Variants in KCTD1 observed in about 807,000 individuals in gnomAD.
KCTD1 encodes the protein BTB/POZ domain-containing protein KCTD1.
A neutral mutation model predicts 66.0 loss-of-function variants in KCTD1; 24 were observed. That is an observed-to-expected ratio of 0.36 (90% CI 0.26 to 0.51). The LOEUF is 0.51. KCTD1 is among the 20% of genes least tolerant of loss of function. The probability of loss-of-function intolerance (pLI) is 0.95; values close to 1 mark genes in which losing one functional copy is unlikely to be tolerated. For missense variants in KCTD1, 943 were observed against 1,205.2 expected (o/e 0.78, Z 3.22); for synonymous variants, 511 against 517.2 (o/e 0.99, Z 0.16).
chr18:26,556,133 C>A (rs1210282285), intron 1 of KCTD1, among the ~76,000 whole-genome samples: 1 of 152,154 alleles, frequency 6.6e-6, no homozygotes, highest in African/African-American at 2.4e-5. Flanking sequence ...CTGATAGGGG[C>A]ACATGGGTTT....
intron 1 of KCTD1, among the ~76,000 whole-genome samples, chr18:26,647,493 C>G (rs1288590417): frequency 8.0e-6 from 1 of 124,836 alleles, no homozygotes; most frequent in African/African-American, 3.0e-5. Flanking sequence ...ACACTCCAGT[C>G]TGGGAAACAG....
intron 1 of KCTD1, among the ~76,000 whole-genome samples, chr18:26,618,308 T>C (rs770739865): frequency 9.2e-5 from 14 of 152,178 alleles, no homozygotes; most frequent in African/African-American, 3.4e-4. Flanking sequence ...AAGAAGTTAA[T>C]TGAATGGATT....
intron 1 of KCTD1, among the ~76,000 whole-genome samples, chr18:26,647,280 G>A (rs989609773): frequency 5.3e-5 from 8 of 151,744 alleles, no homozygotes; most frequent in Non-Finnish European, 1.2e-4. Context: ...AGGCTGAGGC[G>A]GGTGGATCAC....
intron 1 of KCTD1, among the ~76,000 whole-genome samples, chr18:26,584,694 G>A (rs2144930488): frequency 6.6e-6 from 1 of 152,280 alleles, no homozygotes; most frequent in East Asian, 1.9e-4. Context: ...GGTATTCACA[G>A]GGTGTTTTTT....
chr18:26,563,345 A>G (rs996471300), intron 1 of KCTD1, among the ~76,000 whole-genome samples: 24 of 152,028 alleles, frequency 1.6e-4, no homozygotes, highest in Non-Finnish European at 2.4e-4. Context: ...CCAAACTATA[A>G]CGTACTCCCT....
At chr18:26,573,503 G>A (rs1337640486) in intron 1 of KCTD1, among the ~76,000 whole-genome samples, 8 of 152,160 alleles carry the variant, frequency 5.3e-5, no homozygotes, top group African/African-American at 1.4e-4. Flanking sequence ...GAATTAATAC[G>A]AACAATAAAA....
chr18:26,502,334 C>A (rs1273383839), intron 1 of KCTD1, among the ~76,000 whole-genome samples: 2 of 152,192 alleles, frequency 1.3e-5, no homozygotes, highest in African/African-American at 2.4e-5. Flanking sequence ...CAGGGGTGAG[C>A]CACCGTGCCC....
intron 1 of KCTD1, among the ~76,000 whole-genome samples, chr18:26,508,680 C>A (rs1983172989): frequency 6.6e-6 from 1 of 151,642 alleles, no homozygotes; most frequent in South Asian, 2.1e-4. Flanking sequence ...ATAACTTTTC[C>A]ACAAATTTCA....
intron 1 of KCTD1, chr18:26,600,385 C>A: frequency 9.8e-7 from 1 of 1,017,242 alleles, no homozygotes; most frequent in Non-Finnish European, 1.5e-6. Flanking sequence ...CAGCCAACTC[C>A]TGTCCCTCAA....
chr18:26,655,245 C>T (rs571643815), intron 1 of KCTD1, among the ~76,000 whole-genome samples: 9 of 152,312 alleles, frequency 5.9e-5, no homozygotes, highest in African/African-American at 1.9e-4. Context: ...CTTAAGGAGT[C>T]TACTGCTGAG....
At chr18:26,593,944 A>AG (rs915949157) in intron 1 of KCTD1, among the ~76,000 whole-genome samples, 4 of 151,696 alleles carry the variant, frequency 2.6e-5, no homozygotes, top group South Asian at 2.1e-4. Context: ...AAAGAAGAGA[A>AG]GGGGGGGAGA....
chr18:26,647,519 C>CAAA lies in KCTD1; in HGVS notation c.9+9838_9+9840dup, dbSNP rs57856118. 6.8e-4 allele frequency among the ~76,000 whole-genome samples: 39 copies of CAAA among 57,318 alleles called. 3 individuals carry two copies. The highest frequency in any genetic ancestry group is 1.8e-3 in the African/African-American group (32 of 17,384). 37.6% of individuals were successfully genotyped at this position (57,318 alleles called of 152,430 possible). On this transcript the variant is annotated intron_variant, in intron 1 of 4. Transcript: ENST00000580191. ...TGGGAAACAGAGTGAGACTCCATCT[C>CAAA]AAAAAAAAAAAAAAAAAAAAAAAAA...
intron 1 of KCTD1, among the ~76,000 whole-genome samples, chr18:26,570,706 G>T (rs187166784): frequency 6.6e-6 from 1 of 152,014 alleles, no homozygotes; most frequent in African/African-American, 2.4e-5. Flanking sequence ...CCACCACACC[G>T]GGCCTCTATT....
At chr18:26,482,872 C>T (rs1334975928) in intron 2 of KCTD1, among the ~76,000 whole-genome samples, 3 of 152,218 alleles carry the variant, frequency 2.0e-5, no homozygotes, top group African/African-American at 4.8e-5. Flanking sequence ...AGTGCAAAGA[C>T]AGATGGACCA....
intron 1 of KCTD1, among the ~76,000 whole-genome samples, chr18:26,586,830 T>A (rs1324713831): frequency 6.6e-6 from 1 of 152,146 alleles, no homozygotes; most frequent in Non-Finnish European, 1.5e-5. Flanking sequence ...CTATGAAGGC[T>A]GAGAGGGGTG....
upstream of KCTD1, chr18:26,549,282 G>A (rs1484611817): frequency 1.8e-5 from 18 of 985,466 alleles, no homozygotes; most frequent in South Asian, 2.3e-4. Flanking sequence ...GGCCAGCCGC[G>A]CGGCTCCCAA....
Position 26,483,234 on chromosome 18 carries a change from A to T in KCTD1, c.1989-6575T>A, listed in dbSNP as rs112666224. On this transcript the variant is annotated intron_variant, in intron 2 of 4. Coordinates refer to ENST00000580059, the MANE Select transcript of KCTD1 (RefSeq NM_001142730.3). ...CACCACTCAGCAGGGAATTAATTTT[A>T]AAAAATCTGATTTAAAGAGTATTTT... Among the ~76,000 whole-genome samples, 37 of 152,302 alleles carry T rather than the reference A, an allele frequency of 2.4e-4. 1 individual carries two copies. Among genetic ancestry groups the T allele is most frequent in the African/African-American group, 4.3e-4 (18 of 41,560 alleles).
At chr18:26,491,265 A>G (rs1207123284) in intron 2 of KCTD1, among the ~76,000 whole-genome samples, 1 of 152,160 alleles carries the variant, frequency 6.6e-6, no homozygotes, top group Admixed American at 6.5e-5. Flanking sequence ...TAACACAGCC[A>G]TGGGCCTCAA....
At chr18:26,533,692 T>C (rs1984554577) in intron 1 of KCTD1, among the ~76,000 whole-genome samples, 1 of 152,018 alleles carries the variant, frequency 6.6e-6, no homozygotes, top group Non-Finnish European at 1.5e-5. Flanking sequence ...AAAGATGGGG[T>C]TTCACCATAT....
Sources: gnomAD v4.1 joint callset for allele counts (sites outside exome capture counted in the v4.1 genomes callset) on GRCh38, gnomAD v4.1.1 for gene constraint, MANE v1.5 for transcripts, NCBI Gene and HGNC (gene_info 2026-07-23, HGNC 2026-07-21) for gene names.